NCALD: variants seen among roughly 807,000 people sequenced by gnomAD.
The protein encoded by NCALD is neurocalcin delta, also known as neurocalcin-delta.
Under a neutral mutation model 18.6 loss-of-function variants are expected in NCALD, and 10 were observed. That is an observed-to-expected ratio of 0.54 (90% confidence interval 0.33 to 0.91). The LOEUF is 0.91. Among genes scored for constraint, NCALD ranks in the 40% least tolerant of loss-of-function variants. NCALD has a pLI of 0.03. For missense variants in NCALD, 184 were observed against 247.6 expected, an observed-to-expected ratio of 0.74 and a Z score of 1.72; for synonymous variants, 88 against 87.4, an observed-to-expected ratio of 1.01 and a Z score of -0.04.
chr8:102,005,051 G>A (rs1202017806), intron 2 of NCALD, among the ~76,000 whole-genome samples: 1 of 152,158 alleles, frequency 6.6e-6, no homozygotes, highest in Non-Finnish European at 1.5e-5. Flanking sequence ...AAACTAAAGA[G>A]CTTCTGCACA....
intron 1 of NCALD, among the ~76,000 whole-genome samples, chr8:102,093,793 C>A (rs561070): frequency 0.52 from 79,804 of 152,050 alleles, 21,843 homozygotes; most frequent in Non-Finnish European, 0.62. Flanking sequence ...AAATAAAACA[C>A]ACCCTTGTGC....
At chr8:101,976,816 A>C (rs1820440136) in intron 2 of NCALD, among the ~76,000 whole-genome samples, 1 of 152,190 alleles carries the variant, frequency 6.6e-6, no homozygotes, top group Non-Finnish European at 1.5e-5. Flanking sequence ...AAAGAAGGGA[A>C]ATACTTAAAA....
At chr8:101,794,893 G>A (rs1812583653), upstream of NCALD, among the ~76,000 whole-genome samples, 1 of 152,098 alleles carries the variant, frequency 6.6e-6, no homozygotes, top group Non-Finnish European at 1.5e-5. Flanking sequence ...CTGTAGGGTT[G>A]TTTTTATTTT....
At chr8:101,823,881 A>T (rs1190491880) in intron 4 of NCALD, among the ~76,000 whole-genome samples, 1 of 152,200 alleles carries the variant, frequency 6.6e-6, no homozygotes, top group Non-Finnish European at 1.5e-5. Context: ...AAGACTCCTA[A>T]GTTTGCCTTC....
chr8:101,850,402 G>A (rs191593071), intron 4 of NCALD, among the ~76,000 whole-genome samples: 1 of 152,156 alleles, frequency 6.6e-6, no homozygotes, highest in Admixed American at 6.5e-5. Context: ...GAGAGAAAAA[G>A]AGAACAAGTA....
At chr8:101,793,845 A>G (rs930745412), upstream of NCALD, among the ~76,000 whole-genome samples, 3 of 152,234 alleles carry the variant, frequency 2.0e-5, no homozygotes, top group African/African-American at 7.2e-5. Context: ...TTTGCCAGAA[A>G]TAACTGGTAA....
chr8:102,000,866 C>A (rs1048630098), intron 2 of NCALD, among the ~76,000 whole-genome samples: 1 of 152,172 alleles, frequency 6.6e-6, no homozygotes, highest in African/African-American at 2.4e-5. Context: ...CACACCAAAA[C>A]CCCATCTGTA....
At chr8:101,727,643 G>C (rs768600959) in intron 1 of NCALD, among the ~76,000 whole-genome samples, 1 of 152,188 alleles carries the variant, frequency 6.6e-6, no homozygotes, top group Admixed American at 6.5e-5. Flanking sequence ...ACCATGCCCA[G>C]CATAAAAGTA....
chr8:101,929,691 G>A (rs58912743), intron 2 of NCALD, among the ~76,000 whole-genome samples: 7,133 of 142,690 alleles, frequency 0.05, 542 homozygotes, highest in African/African-American at 0.16. Flanking sequence ...GAGGGAAGGA[G>A]GCAGGGAGGG....
intron 1 of NCALD, among the ~76,000 whole-genome samples, chr8:102,108,095 G>A (rs1163388908): frequency 6.6e-6 from 1 of 152,178 alleles, no homozygotes; most frequent in Non-Finnish European, 1.5e-5. Context: ...GGGGAGGGAA[G>A]GAGACTTGGC....
intron 2 of NCALD, among the ~76,000 whole-genome samples, chr8:102,013,172 G>T (rs1474344487): frequency 6.6e-6 from 1 of 152,162 alleles, no homozygotes; most frequent in East Asian, 1.9e-4. Context: ...CCTCAAGGGA[G>T]TGAATTGAAT....
At chr8:101,991,184 T>A (rs1445277877) in intron 2 of NCALD, among the ~76,000 whole-genome samples, 5 of 152,156 alleles carry the variant, frequency 3.3e-5, no homozygotes, top group East Asian at 1.9e-4. Context: ...ATATAAAAAA[T>A]TCATCTCCTC....
At chr8:102,005,914 A>T (rs997521944) in intron 2 of NCALD, among the ~76,000 whole-genome samples, 6 of 151,844 alleles carry the variant, frequency 4.0e-5, no homozygotes, top group Admixed American at 6.6e-5. Flanking sequence ...TAGCATTAGG[A>T]GATATACCTA....
At chr8:102,031,748 A>G (rs1349791772) in intron 1 of NCALD, among the ~76,000 whole-genome samples, 2 of 152,198 alleles carry the variant, frequency 1.3e-5, no homozygotes, top group East Asian at 3.8e-4. Flanking sequence ...AATTGCTATG[A>G]TCAATATTAG....
At position 101,725,350 on chromosome 8, in the gene NCALD, C is replaced by A. The variant is rs555066151; in HGVS notation, c.-19-5702G>T. Among the ~76,000 whole-genome samples the A allele has an allele frequency of 3.9e-5, 6 of 152,306 alleles. No homozygotes were observed. In the East Asian group the frequency reaches 1.2e-3, roughly 29 times the overall value. ...AGCATGACTTCAGAGAGAAGCCTGGCCAGAGATGGTGGGCTCCGAGGAAAG... is the reference window on the plus strand; with the variant it reads ...AGCATGACTTCAGAGAGAAGCCTGGACAGAGATGGTGGGCTCCGAGGAAAG... On this transcript the variant is annotated intron_variant, in intron 1 of 3. Transcript: ENST00000220931.
At position 101,960,792 on chromosome 8, in the gene NCALD, A is replaced by G. The variant is rs146256018; in HGVS notation, c.-156-44934T>C. 2.0e-4 allele frequency among the ~76,000 whole-genome samples: 30 copies of G among 152,192 alleles called. No homozygotes were observed. In the East Asian group the frequency reaches 3.9e-3, roughly 20 times the overall value. On this transcript the variant is annotated intron_variant, in intron 2 of 6. Coordinates refer to the NCALD transcript ENST00000311028. ...CTTTATTTCACTTTTACCCTCACCAATGTAGTCTGATCACTCTGATTGATT... is the reference window on the plus strand; with the variant it reads ...CTTTATTTCACTTTTACCCTCACCAGTGTAGTCTGATCACTCTGATTGATT...
chr8:102,105,162 C>A (rs1266034173), intron 1 of NCALD, among the ~76,000 whole-genome samples: 2 of 152,066 alleles, frequency 1.3e-5, no homozygotes, highest in Non-Finnish European at 2.9e-5. Context: ...TTTTTCTAAG[C>A]CGCTTTGAAT....
At chr8:102,030,040 A>G (rs375296678) in intron 1 of NCALD, among the ~76,000 whole-genome samples, 105 of 152,364 alleles carry the variant, frequency 6.9e-4, no homozygotes, top group Non-Finnish European at 1.2e-3. Context: ...AGAGAAAACT[A>G]TTAATATCAG....
At chr8:101,995,038 G>A (rs934966380) in intron 2 of NCALD, among the ~76,000 whole-genome samples, 1 of 152,122 alleles carries the variant, frequency 6.6e-6, no homozygotes, top group African/African-American at 2.4e-5. Context: ...CAAAGTTATA[G>A]TTTTTTTAAA....
Sources: allele counts gnomAD v4.1 joint callset (sites outside exome capture counted in the v4.1 genomes callset), GRCh38; gene constraint gnomAD v4.1.1; transcripts MANE v1.5; gene names NCBI Gene and HGNC (gene_info 2026-07-23, HGNC 2026-07-21).